EIF4A2: variants seen among roughly 807,000 people sequenced by gnomAD.
EIF4A2 encodes eukaryotic initiation factor 4A-II.
A neutral mutation model predicts 50.6 loss-of-function variants in EIF4A2; 9 were observed. That is an observed-to-expected ratio of 0.18 (90% CI 0.11 to 0.31). The LOEUF is 0.31. Ranked by LOEUF, EIF4A2 falls within the 10% of genes least tolerant of loss-of-function variation. The probability of loss-of-function intolerance (pLI) is 1.00; values close to 1 mark genes in which losing one functional copy is unlikely to be tolerated. For synonymous variants in EIF4A2, 215 were observed against 164.4 expected (o/e 1.31, Z -2.35); for missense variants, 182 against 501.8 (o/e 0.36, Z 6.09).
In EIF4A2 at chr3:186,789,483, G is replaced by A; in HGVS notation, c.*214G>A. On this transcript the variant is annotated 3_prime_UTR_variant, in exon 11 of 11. Transcript: ENST00000323963. ...CTCTTTAGAGTTAGACTGTTGGGGT[G>A]GGTATAAAAGATGGGGTCTGTAAAA... The A allele has an allele frequency of 4.1e-6, 2 of 490,722 alleles. No individual in the cohort carries two copies. The highest frequency in any genetic ancestry group is 6.7e-6 in the Non-Finnish European group (2 of 299,082). The allele number at this position is 490,722 out of a possible 1,614,324, so 30.4% of individuals were successfully genotyped here.
chr3:186,785,702 A>G (rs1406963012), intron 4 of EIF4A2, 181 bp from the exon 5 acceptor site: 3 of 678,050 alleles, frequency 4.4e-6, no homozygotes, highest in Non-Finnish European at 7.0e-6. Flanking sequence ...GGCATAAGAA[A>G]GACATTAAGG....
In EIF4A2 at chr3:186,783,839, G is replaced by C. The variant is rs986054426; in HGVS notation, c.29+200G>C. 7.7e-6 allele frequency: 6 copies of C among 778,260 alleles called. No individual in the cohort carries two copies. In the East Asian group the frequency reaches 1.6e-4, roughly 21 times the overall value. The allele number at this position is 778,260 out of a possible 1,614,324, so 48.2% of individuals were successfully genotyped here. On this transcript the variant is annotated intron_variant, in intron 1 of 10. Coordinates refer to ENST00000323963, the MANE Select transcript of EIF4A2 (RefSeq NM_001967.4). ...ATAGGACGGTGGTGCGAAAGCAGTG[G>C]CTAAAGGGCGTTTTTCCTCTCTAAG...
In EIF4A2 at chr3:186,787,717, A is replaced by G. The variant is rs368385868; in HGVS notation, c.1000-86A>G. ...CACTCCACAGTGGGCTATACCACTTAGTATAGTTCGCTACTATTTTGTGGC... is the reference window on the plus strand; with the variant it reads ...CACTCCACAGTGGGCTATACCACTTGGTATAGTTCGCTACTATTTTGTGGC... On this transcript the variant is annotated intron_variant, in intron 9 of 10. Coordinates refer to ENST00000323963, the MANE Select transcript of EIF4A2 (RefSeq NM_001967.4). 163 of 1,570,566 alleles carry G rather than the reference A, an allele frequency of 1.0e-4. 1 individual carries two copies. Among genetic ancestry groups the G allele is most frequent in the African/African-American group, 1.3e-5 (1 of 74,074 alleles).
At position 186,786,909 on chromosome 3, in the gene EIF4A2, TTA is replaced by T; in HGVS notation, c.772-216_772-215del. On this transcript the variant is annotated intron_variant, in intron 7 of 10. Coordinates refer to ENST00000323963, the MANE Select transcript of EIF4A2 (RefSeq NM_001967.4). ...ATAATTTCTACGTTTTGAGACTGGG[TTA>T]TGAGACTGGCTAAGACTGGCCAATT... 6 of 882,902 alleles carry T rather than the reference TTA, an allele frequency of 6.8e-6. No homozygotes were observed. In the East Asian group the frequency reaches 1.4e-4, roughly 21 times the overall value. 54.7% of individuals were successfully genotyped at this position (882,902 alleles called of 1,614,324 possible). A position where few individuals can be genotyped will look rare whatever the true frequency, so the allele number is the denominator to read the frequency against.
intron 1 of EIF4A2, chr3:186,784,111 C>T (rs3900626): frequency 0.16 from 78,389 of 485,360 alleles, 7,057 homozygotes; most frequent in Admixed American, 0.21. Flanking sequence ...TTGGCATCGC[C>T]CTCGCCAGGC....
chr3:186,788,543 G>A, intron 10 of EIF4A2: 1 of 770,790 alleles, frequency 1.3e-6, no homozygotes, highest in Non-Finnish European at 1.7e-6. Flanking sequence ...TGTATTGTCT[G>A]GTTTCTAACA....
At chr3:186,786,998 G>C in intron 7 of EIF4A2, 129 bp from the exon 8 acceptor site, 1 of 1,349,084 alleles carries the variant, frequency 7.4e-7, no homozygotes. Flanking sequence ...GGAACTCTGG[G>C]CTCTAAGTGC....
intron 4 of EIF4A2, chr3:186,785,336 G>C (rs946754801): frequency 3.6e-6 from 2 of 549,422 alleles, no homozygotes; most frequent in South Asian, 2.6e-5. Context: ...GGATGTACTA[G>C]ATCTGTCCCC....
Position 186,789,190 on chromosome 3 carries a change from A to G in EIF4A2, c.1145A>G (p.Lys382Arg). 2 of 1,613,786 alleles carry G rather than the reference A, an allele frequency of 1.2e-6. No individual in the cohort carries two copies. Among genetic ancestry groups the G allele is most frequent in the Non-Finnish European group, 1.7e-6 (2 of 1,179,806 alleles). ...ATAAACTTTGTTACTGAAGAAGACA[A>G]GAGGATTCTTCGTGACATTGAGACT... ...VAINFVTEED[K>R]RILRDIETFY... The change falls in exon 11 of 11, where the codon AAG becomes AGG. Residue 382 changes from lysine (K) to arginine (R), a missense_variant. Transcript: ENST00000323963.
chr3:186,783,798 C>T, intron 1 of EIF4A2, 159 bp downstream of exon 1: 2 of 1,194,230 alleles, frequency 1.7e-6, no homozygotes, highest in South Asian at 1.3e-5. Flanking sequence ...ATGGGTAGGG[C>T]CCGGATTGTG....
rs1311543983 is a variant in EIF4A2, at chr3:186,789,720, TTTTGTTTGG to T, written c.*453_*461del. 2.5e-6 allele frequency: 1 copy of T among 397,068 alleles called. No individual in the cohort carries two copies. 24.6% of individuals were successfully genotyped at this position (397,068 alleles called of 1,614,324 possible). On this transcript the variant is annotated 3_prime_UTR_variant, in exon 11 of 11. Transcript: ENST00000323963. ...TTTTTTTAGAAAGCATTTGAATGCA[TTTTGTTTGG>T]TATTGTATTTATTCAATAAAGTATT...
chr3:186,784,040 C>A (rs1440190096), intron 1 of EIF4A2: 1 of 420,558 alleles, frequency 2.4e-6, no homozygotes, highest in Non-Finnish European at 4.3e-6. Context: ...GGGTTGGAGG[C>A]AGCGGTCTCC....
chr3:186,786,355 T>G, intron 6 of EIF4A2, 82 bp downstream of exon 6: 1 of 1,514,488 alleles, frequency 6.6e-7, no homozygotes, highest in Non-Finnish European at 9.0e-7. Context: ...ACTGATGTGT[T>G]TTGTTGTCGT....
In EIF4A2 at chr3:186,786,143, G is replaced by A. The variant is rs1579160345; in HGVS notation, c.518-21G>A. 4 of 1,611,382 alleles carry A rather than the reference G, an allele frequency of 2.5e-6. No homozygotes were observed. The Admixed American group carries it at 6.7e-5, about 27-fold the overall frequency. On this transcript the variant is annotated intron_variant, in intron 5 of 10. Transcript: ENST00000323963. Reference sequence around the variant, plus strand: ...TCACTGAGTAGATCTAGAAATGACAGTATGACTTTGTTTCTAACAGCTCCA... The same window carrying A: ...TCACTGAGTAGATCTAGAAATGACAATATGACTTTGTTTCTAACAGCTCCA...
rs138784216 is a variant in EIF4A2, at chr3:186,787,452, G to T, written c.910-43G>T. 3.8e-3 allele frequency: 6,159 copies of T among 1,611,658 alleles called. 15 individuals carry two copies. The highest frequency in any genetic ancestry group is 4.4e-3 in the Non-Finnish European group (5,132 of 1,178,512). ...TACATGTTGATTAAAATTAAATACC[G>T]ACCTGACTGGTGATTCTTGAATTAA... On this transcript the variant is annotated intron_variant, in intron 8 of 10. Transcript: ENST00000323963.
chr3:186,786,670 A>G (rs771533650), intron 7 of EIF4A2, 25 bp downstream of exon 7: 1 of 1,612,852 alleles, frequency 6.2e-7, no homozygotes, highest in Non-Finnish European at 8.5e-7. Flanking sequence ...GTTAGACATT[A>G]TTTTACCTTC....
chr3:186,784,055 G>A (rs995518752), intron 1 of EIF4A2: 31 of 425,342 alleles, frequency 7.3e-5, no homozygotes, highest in African/African-American at 6.2e-4. Flanking sequence ...GTCTCCACTC[G>A]GCCACGGCGC....
intron 8 of EIF4A2, 22 bp downstream of exon 8, chr3:186,787,286 C>A: frequency 6.2e-7 from 1 of 1,614,028 alleles, no homozygotes; most frequent in Non-Finnish European, 8.5e-7. Context: ...TCTAAAATGT[C>A]TGGATTTCCA....
rs755718910 is a variant in EIF4A2 at position 186,789,102 on chromosome 3, T to C, written c.1080-23T>C. The C allele has an allele frequency of 3.1e-6, 5 of 1,609,610 alleles. No individual in the cohort carries two copies. In the East Asian group the frequency reaches 1.1e-4, roughly 36 times the overall value. Reference sequence around the variant, plus strand: ...TTTATACATTATGTGAGAAGTAACGTTCTGATTCTTTTTCTTACACAGAAT... The same window carrying C: ...TTTATACATTATGTGAGAAGTAACGCTCTGATTCTTTTTCTTACACAGAAT... On this transcript the variant is annotated intron_variant, in intron 10 of 10. Coordinates refer to ENST00000323963, the MANE Select transcript of EIF4A2 (RefSeq NM_001967.4).
Sources: gnomAD v4.1 joint callset for allele counts on GRCh38, gnomAD v4.1.1 for gene constraint, MANE v1.5 for transcripts, NCBI Gene and HGNC (gene_info 2026-07-23, HGNC 2026-07-21) for gene names.